The following PRUNE2 variants were observed in gnomAD, a reference collection of about 807,000 sequenced individuals.
The protein encoded by PRUNE2 is prune homolog 2 with BCH domain.
Under a neutral mutation model 252.0 loss-of-function variants are expected in PRUNE2, and 164 were observed. The observed-to-expected ratio is 0.65, with a 90% CI of 0.57 to 0.74. The LOEUF (loss-of-function observed/expected upper bound fraction) is 0.74, where lower values mean the gene tolerates loss of function less well. Among genes scored for constraint, PRUNE2 ranks in the 30% least tolerant of loss-of-function variants. The pLI is 0.00. For synonymous variants in PRUNE2, 1,292 were observed against 1,350.2 expected (o/e 0.96, Z 0.94); for missense variants, 3,495 against 3,711.0 (o/e 0.94, Z 1.51).
Position 76,760,814 on chromosome 9 carries a change from G to A in PRUNE2, c.757-47093C>T, listed in dbSNP as rs111873273. 4.0e-3 allele frequency among the ~76,000 whole-genome samples: 613 copies of A among 152,218 alleles called. 4 individuals are homozygous for A. Among genetic ancestry groups the A allele is most frequent in the African/African-American group, 0.014 (593 of 41,536 alleles). On this transcript the variant is annotated intron_variant, in intron 6 of 18. Coordinates refer to ENST00000376718, the MANE Select transcript of PRUNE2 (RefSeq NM_015225.3). Reference sequence around the variant, plus strand: ...ACCTGTACATGTCCAGACTCGGGCCGGGCGCGGTGACCTGTAATCCCAGCA... The same window carrying A: ...ACCTGTACATGTCCAGACTCGGGCCAGGCGCGGTGACCTGTAATCCCAGCA...
chr9:76,627,304 G>GA (rs767594924), intron 16 of PRUNE2, among the ~76,000 whole-genome samples: 2 of 118,980 alleles, frequency 1.7e-5, no homozygotes, highest in Non-Finnish European at 3.6e-5. Context: ...GGTGGCGGGG[G>GA]GCTCACCATG....
intron 16 of PRUNE2, 113 bp from the exon 17 acceptor site, chr9:76,624,603 C>T (rs1359741502): frequency 1.4e-5 from 9 of 641,804 alleles, no homozygotes; most frequent in South Asian, 5.0e-5. Flanking sequence ...ATGTGCTTTT[C>T]GAAACTGTCT....
intron 6 of PRUNE2, among the ~76,000 whole-genome samples, chr9:76,813,940 C>G (rs1392392122): frequency 6.6e-6 from 1 of 152,296 alleles, no homozygotes. Flanking sequence ...CCTCAGCCCC[C>G]CAAGTAGCTG....
Position 76,709,320 on chromosome 9 carries a change from G to C in PRUNE2, c.2954C>G (p.Thr985Ser). Residue 985 changes from threonine (T) to serine (S), a missense_variant, in exon 8 of 19, where the codon ACT (threonine) becomes AGT (serine). Thr to Ser is a moderately conservative substitution (Grantham distance 58). Coordinates refer to ENST00000376718, the MANE Select transcript of PRUNE2 (RefSeq NM_015225.3). ...SPTFAGDEKE[T>S]EHKPFAKEEG... ...CTCTTTAGCAAATGGCTTGTGTTCA[G>C]TTTCCTTTTCGTCTCCAGCAAATGT... The C allele has an allele frequency of 6.2e-7, 1 of 1,613,950 alleles. No homozygotes were observed.
At chr9:76,696,910 A>G (rs2045443328) in intron 9 of PRUNE2, among the ~76,000 whole-genome samples, 1 of 152,214 alleles carries the variant, frequency 6.6e-6, no homozygotes, top group Non-Finnish European at 1.5e-5. Context: ...GTCTAGGAAG[A>G]ATAACAGCCG....
chr9:76,832,931 G>A (rs1393994219), intron 4 of PRUNE2, among the ~76,000 whole-genome samples: 1 of 151,796 alleles, frequency 6.6e-6, no homozygotes, highest in Non-Finnish European at 1.5e-5. Flanking sequence ...TAGAAGACAT[G>A]GACACCACTA....
At chr9:76,855,870 T>C (rs1037767493) in intron 1 of PRUNE2, among the ~76,000 whole-genome samples, 2 of 152,214 alleles carry the variant, frequency 1.3e-5, no homozygotes, top group Admixed American at 1.3e-4. Flanking sequence ...TTGGCTCACT[T>C]GGCTAAATGT....
In PRUNE2 at chr9:76,705,329, T is replaced by C. The variant is rs2134827951; in HGVS notation, c.6945A>G (p.Thr2315=). The C allele has an allele frequency of 6.2e-7, 1 of 1,614,052 alleles. No individual in the cohort carries two copies. The highest frequency in any genetic ancestry group is 2.2e-5 in the East Asian group (1 of 44,888). The part of the protein sequence containing the change: ...DASGLNTSTG[T]IDDMSKLTLS... ...ATGTCAGTTTACTCATGTCATCTATTGTTCCCGTGGATGTGTTGAGACCTG... is the reference window on the plus strand; with the variant it reads ...ATGTCAGTTTACTCATGTCATCTATCGTTCCCGTGGATGTGTTGAGACCTG... Residue 2315 remains threonine, a synonymous_variant, in exon 8 of 19, where the codon ACA becomes ACG. Coordinates refer to ENST00000376718, the MANE Select transcript of PRUNE2 (RefSeq NM_015225.3).
intron 3 of PRUNE2, among the ~76,000 whole-genome samples, chr9:76,848,971 C>T (rs1415021629): frequency 6.6e-6 from 1 of 152,144 alleles, no homozygotes; most frequent in Non-Finnish European, 1.5e-5. Flanking sequence ...CACAGCTCAA[C>T]CATGAGATGA....
chr9:76,723,134 C>T (rs2135277707), intron 6 of PRUNE2, among the ~76,000 whole-genome samples: 1 of 152,218 alleles, frequency 6.6e-6, no homozygotes, highest in East Asian at 1.9e-4. Context: ...TGACTGTTAA[C>T]TATATGTAAG....
chr9:76,874,028 A>G (rs2061356955), intron 1 of PRUNE2, among the ~76,000 whole-genome samples: 1 of 152,328 alleles, frequency 6.6e-6, no homozygotes, highest in Middle Eastern at 3.4e-3. Context: ...GTGCTTGCTC[A>G]GTACATCTCT....
chr9:76,899,336 T>C (rs980802497), intron 1 of PRUNE2, among the ~76,000 whole-genome samples: 1 of 152,248 alleles, frequency 6.6e-6, no homozygotes, highest in Non-Finnish European at 1.5e-5. Flanking sequence ...CAGTCATGCA[T>C]AAAAATTAGA....
At chr9:76,670,529 T>C (rs1193349248) in intron 9 of PRUNE2, among the ~76,000 whole-genome samples, 1 of 151,762 alleles carries the variant, frequency 6.6e-6, no homozygotes, top group Admixed American at 6.6e-5. Context: ...GCCAGGAAGC[T>C]CGAACTGGGT....
intron 1 of PRUNE2, among the ~76,000 whole-genome samples, chr9:76,859,686 C>CTTGTTTGTTTGTTTGT (rs35532918): frequency 6.7e-6 from 1 of 150,266 alleles, no homozygotes; most frequent in African/African-American, 2.5e-5. Flanking sequence ...GGCTAGGGTG[C>CTTGTTTGTTTGTTTGT]TTGTTTGTTT....
chr9:76,861,874 T>C (rs1363280457), intron 1 of PRUNE2, among the ~76,000 whole-genome samples: 1 of 152,074 alleles, frequency 6.6e-6, no homozygotes, highest in Non-Finnish European at 1.5e-5. Context: ...CCATTATTTT[T>C]CTTCCATCAC....
intron 6 of PRUNE2, among the ~76,000 whole-genome samples, chr9:76,726,568 C>T (rs10781373): frequency 0.4 from 60,951 of 151,960 alleles, 12,728 homozygotes; most frequent in Admixed American, 0.54. Flanking sequence ...TTTTATTTTA[C>T]GCTCCAATTA....
At position 76,867,592 on chromosome 9, in the gene PRUNE2, G is replaced by A. The variant is rs545647628; in HGVS notation, c.37-13384C>T. On this transcript the variant is annotated intron_variant, in intron 1 of 18. Coordinates refer to ENST00000376718, the MANE Select transcript of PRUNE2 (RefSeq NM_015225.3). ...TTGTTGTTGTTGTTGTTGTTGAGACGGAGTCTCACTCTGTCCCTAAGGCTG... is the reference window on the plus strand; with the variant it reads ...TTGTTGTTGTTGTTGTTGTTGAGACAGAGTCTCACTCTGTCCCTAAGGCTG... Among the ~76,000 whole-genome samples the A allele has an allele frequency of 5.9e-5, 9 of 152,132 alleles. No homozygotes were observed. The South Asian group carries it at 6.2e-4, about 11-fold the overall frequency.
intron 15 of PRUNE2, 97 bp downstream of exon 15, chr9:76,636,374 G>A: frequency 1.4e-6 from 1 of 707,970 alleles, no homozygotes; most frequent in Non-Finnish European, 2.5e-6. Context: ...ATTTCCCTGG[G>A]TACTCTTAGT....
At chr9:76,774,450 CTTTTTTTTTT>C (rs869289049) in intron 6 of PRUNE2, among the ~76,000 whole-genome samples, 2 of 41,402 alleles carry the variant, frequency 4.8e-5, no homozygotes, top group East Asian at 1.0e-3. Context: ...CAGTTCAACC[CTTTTTTTTTT>C]TTTTTTTTTT....
Sources: allele counts gnomAD v4.1 joint callset (sites outside exome capture counted in the v4.1 genomes callset), GRCh38; gene constraint gnomAD v4.1.1; transcripts MANE v1.5; gene names NCBI Gene and HGNC (gene_info 2026-07-23, HGNC 2026-07-21).